Variants in GABRG3 observed in about 807,000 individuals in gnomAD.
GABRG3 encodes gamma-aminobutyric acid receptor subunit gamma-3.
A neutral mutation model predicts 48.8 loss-of-function variants in GABRG3; 25 were observed. The ratio of observed to expected loss-of-function variants is 0.51; its 90% CI spans 0.37 to 0.72. The LOEUF (loss-of-function observed/expected upper bound fraction) is 0.72, where lower values mean the gene tolerates loss of function less well. Among genes scored for constraint, GABRG3 ranks in the 30% least tolerant of loss-of-function variants. The probability of loss-of-function intolerance (pLI) is 0.00; values close to 1 mark genes in which losing one functional copy is unlikely to be tolerated. For missense variants in GABRG3, 394 were observed against 577.9 expected (o/e 0.68, Z 3.26); for synonymous variants, 227 against 217.6 (o/e 1.04, Z -0.38).
chr15:27,382,707 T>C (rs1173519623), intron 5 of GABRG3, among the ~76,000 whole-genome samples: 1 of 152,152 alleles, frequency 6.6e-6, no homozygotes, highest in East Asian at 1.9e-4. Flanking sequence ...TGGGGTGTTT[T>C]TGGATTTTGG....
rs77133463 is a variant in GABRG3, at chr15:27,058,785, G to A, written c.270+31964G>A. ...TAAGTTCGCGGGCCTCATCAAAATT[G>A]ATAAGTGATTAGCACTGTCTATAAA... On this transcript the variant is annotated intron_variant, in intron 3 of 9. Coordinates refer to ENST00000615808, the MANE Select transcript of GABRG3 (RefSeq NM_033223.5). Among the ~76,000 whole-genome samples, 538 of 152,284 alleles carry A rather than the reference G, an allele frequency of 3.5e-3. 7 individuals are homozygous for A. The highest frequency in any genetic ancestry group is 0.012 in the African/African-American group (500 of 41,554).
chr15:27,224,131 C>T (rs550543567), intron 3 of GABRG3, among the ~76,000 whole-genome samples: 69 of 152,314 alleles, frequency 4.5e-4, no homozygotes, highest in African/African-American at 1.6e-3. Flanking sequence ...TCCAACTTCC[C>T]GGGCTGCTCC....
intron 5 of GABRG3, among the ~76,000 whole-genome samples, chr15:27,347,928 A>G (rs1894430797): frequency 6.6e-6 from 1 of 152,148 alleles, no homozygotes; most frequent in South Asian, 2.1e-4. Flanking sequence ...TGATGGGTTC[A>G]AGAAAAGTCA....
chr15:27,414,545 G>C (rs1167233407), intron 5 of GABRG3, among the ~76,000 whole-genome samples: 6 of 152,130 alleles, frequency 3.9e-5, no homozygotes, highest in South Asian at 4.1e-4. Context: ...TTACAGATGG[G>C]GAACTCAAAG....
At chr15:27,406,344 A>AT (rs954688473) in intron 5 of GABRG3, among the ~76,000 whole-genome samples, 2 of 151,960 alleles carry the variant, frequency 1.3e-5, no homozygotes, top group African/African-American at 2.4e-5. Context: ...GGACTTAATG[A>AT]TTTTTTTTAA....
Position 27,385,533 on chromosome 15 carries a change from G to A in GABRG3, c.574+56645G>A, listed in dbSNP as rs1691462980. ...TTGAAGCACTAACTGACGTCCCACA[G>A]GTCTCTGAAGCTGTGTTTATTTTTC... On this transcript the variant is annotated intron_variant, in intron 5 of 9. Coordinates refer to ENST00000615808, the MANE Select transcript of GABRG3 (RefSeq NM_033223.5). Among the ~76,000 whole-genome samples the A allele has an allele frequency of 7.9e-5, 12 of 152,124 alleles. No individual in the cohort carries two copies. The South Asian group carries it at 2.5e-3, about 32-fold the overall frequency.
rs996693974 is a variant in GABRG3 at position 27,538,513 on chromosome 15, G to A, written c.*5632G>A. ...ACAATTGAGATAATCACCTACTTTC[G>A]CCACTTCACTTTTCACATTTGTAAA... On this transcript the variant is annotated 3_prime_UTR_variant, in exon 10 of 10. Transcript: ENST00000615808. The A allele has an allele frequency of 5.9e-5, 9 of 152,122 alleles. No individual in the cohort carries two copies. The highest frequency in any genetic ancestry group is 4.6e-4 in the Admixed American group (7 of 15,268). The allele number at this position is 152,122 out of a possible 1,614,324, so 9.4% of individuals were successfully genotyped here.
intron 3 of GABRG3, among the ~76,000 whole-genome samples, chr15:27,127,285 CT>C (rs1422510928): frequency 2.1e-4 from 32 of 152,198 alleles, no homozygotes; most frequent in Admixed American, 1.8e-3. Context: ...AAAGGAAATT[CT>C]TACATGTGCT....
At chr15:27,130,526 T>C (rs1897898507) in intron 3 of GABRG3, among the ~76,000 whole-genome samples, 1 of 152,042 alleles carries the variant, frequency 6.6e-6, no homozygotes, top group African/African-American at 2.4e-5. Context: ...ATATTTGGAG[T>C]CTTTTGAATT....
intron 6 of GABRG3, among the ~76,000 whole-genome samples, chr15:27,488,131 G>A (rs961832247): frequency 6.6e-5 from 10 of 152,082 alleles, no homozygotes; most frequent in Non-Finnish European, 1.0e-4. Flanking sequence ...CCTAGCAAGC[G>A]CTCATGCCAC....
intron 7 of GABRG3, among the ~76,000 whole-genome samples, chr15:27,524,133 A>G (rs1891220558): frequency 6.6e-6 from 1 of 152,118 alleles, no homozygotes. Flanking sequence ...TAAGAGTAGC[A>G]AAGAAATGTC....
intron 6 of GABRG3, among the ~76,000 whole-genome samples, chr15:27,486,643 G>A (rs571102286): frequency 6.6e-6 from 1 of 152,292 alleles, no homozygotes; most frequent in East Asian, 1.9e-4. Context: ...TACCTCCTAT[G>A]TGACCTTGGG....
In GABRG3 at chr15:27,179,076, G is replaced by A. The variant is rs1306771758; in HGVS notation, c.271-147733G>A. ...GGTCAGAGGAAAACTTTTCTTTTTGGGGCCTTCATTTTGGGTTATAGTTTT... is the reference window on the plus strand; with the variant it reads ...GGTCAGAGGAAAACTTTTCTTTTTGAGGCCTTCATTTTGGGTTATAGTTTT... On this transcript the variant is annotated intron_variant, in intron 3 of 9. Transcript: ENST00000615808. The surrounding 1 kb of genome is among the most constrained non-coding windows in gnomAD (Gnocchi z 4.0). Among the ~76,000 whole-genome samples the A allele has an allele frequency of 1.3e-5, 2 of 152,074 alleles. No homozygotes were observed. The highest frequency in any genetic ancestry group is 4.8e-5 in the African/African-American group (2 of 41,402).
chr15:27,255,688 G>A (rs1890589581), intron 3 of GABRG3, among the ~76,000 whole-genome samples: 1 of 151,950 alleles, frequency 6.6e-6, no homozygotes, highest in African/African-American at 2.4e-5. Flanking sequence ...TTTATCACAT[G>A]CATCCTCCCA....
At chr15:27,203,012 C>T (rs1405703348) in intron 3 of GABRG3, among the ~76,000 whole-genome samples, 1 of 152,050 alleles carries the variant, frequency 6.6e-6, no homozygotes, top group Non-Finnish European at 1.5e-5. Context: ...AATTTTTTAC[C>T]ACTAAGTCTT....
intron 3 of GABRG3, among the ~76,000 whole-genome samples, chr15:27,088,828 T>G (rs1024501389): frequency 6.6e-6 from 1 of 151,832 alleles, no homozygotes; most frequent in East Asian, 1.9e-4. Flanking sequence ...GCCATGTGAG[T>G]GCCCGAGGAA....
intron 5 of GABRG3, among the ~76,000 whole-genome samples, chr15:27,470,102 A>G (rs1889739087): frequency 6.6e-6 from 1 of 152,220 alleles, no homozygotes; most frequent in African/African-American, 2.4e-5. Context: ...TATCTACAGG[A>G]AAGACAGGGA....
At chr15:27,349,253 A>G (rs1894476707) in intron 5 of GABRG3, among the ~76,000 whole-genome samples, 1 of 152,164 alleles carries the variant, frequency 6.6e-6, no homozygotes, top group African/African-American at 2.4e-5. Context: ...TATAAATTAT[A>G]TATAATTGAA....
intron 7 of GABRG3, among the ~76,000 whole-genome samples, chr15:27,525,252 G>A (rs1462620631): frequency 6.6e-6 from 1 of 151,940 alleles, no homozygotes; most frequent in East Asian, 1.9e-4. Flanking sequence ...ACTTCTGACT[G>A]CAGTAAGATG....
Sources: allele counts gnomAD v4.1 joint callset (sites outside exome capture counted in the v4.1 genomes callset), GRCh38; gene constraint gnomAD v4.1.1; non-coding constraint Gnocchi (gnomAD v3.1); transcripts MANE v1.5; gene names NCBI Gene and HGNC (gene_info 2026-07-23, HGNC 2026-07-21).